Variants in PTPRN2 observed in about 807,000 individuals in gnomAD.
PTPRN2 encodes protein tyrosine phosphatase receptor type N2.
Under a neutral mutation model 118.8 loss-of-function variants are expected in PTPRN2, and 74 were observed. The ratio of observed to expected loss-of-function variants is 0.62; its 90% CI spans 0.52 to 0.76. The LOEUF (loss-of-function observed/expected upper bound fraction) is 0.76, where lower values mean the gene tolerates loss of function less well. Ranked by LOEUF, PTPRN2 falls within the 30% of genes least tolerant of loss-of-function variation. The probability of loss-of-function intolerance (pLI) is 0.00; values close to 1 mark genes in which losing one functional copy is unlikely to be tolerated. For synonymous variants in PTPRN2, 641 were observed against 608.0 expected (o/e 1.05, Z -0.80); for missense variants, 1,481 against 1,394.4 (o/e 1.06, Z -0.99).
At chr7:158,345,451 C>T (rs984268790) in intron 2 of PTPRN2, among the ~76,000 whole-genome samples, 1 of 152,094 alleles carries the variant, frequency 6.6e-6, no homozygotes, top group Non-Finnish European at 1.5e-5. Context: ...TATTTTTGAG[C>T]AGGGTGGAGC....
Position 158,058,504 on chromosome 7 carries a change from A to C in PTPRN2, c.1723+22794T>G, listed in dbSNP as rs71544524. On this transcript the variant is annotated intron_variant, in intron 11 of 22. Coordinates refer to ENST00000389418, the MANE Select transcript of PTPRN2 (RefSeq NM_002847.5). ...ATCACTGCAGCCACACTCCATCTGC[A>C]CACGGTGAGACATCACTGCAGCCAC... 1.4e-3 allele frequency among the ~76,000 whole-genome samples: 65 copies of C among 46,600 alleles called. 5 individuals carry two copies. The highest frequency in any genetic ancestry group is 2.0e-3 in the East Asian group (3 of 1,518). The allele number at this position is 46,600 out of a possible 152,430, so 30.6% of individuals were successfully genotyped here.
At chr7:158,381,548 C>A (rs2151346361) in intron 2 of PTPRN2, among the ~76,000 whole-genome samples, 1 of 152,318 alleles carries the variant, frequency 6.6e-6, no homozygotes, top group African/African-American at 2.4e-5. Context: ...TTCAACAAGC[C>A]TCTAGGAAGT....
chr7:158,151,492 ACACCGCCCG>A (rs1298295603), intron 6 of PTPRN2, among the ~76,000 whole-genome samples: 9 of 145,170 alleles, frequency 6.2e-5, no homozygotes, highest in Admixed American at 2.2e-4. Context: ...CTCCCTGCCC[ACACCGCCCG>A]CCTTTCTGCT....
At chr7:158,109,927 G>A (rs1318309235) in intron 10 of PTPRN2, among the ~76,000 whole-genome samples, 4 of 151,490 alleles carry the variant, frequency 2.6e-5, no homozygotes, top group Non-Finnish European at 5.9e-5. Flanking sequence ...AGTGAATGAC[G>A]TCACTCTGTG....
chr7:158,441,586 G>A (rs1389472912), intron 2 of PTPRN2, among the ~76,000 whole-genome samples: 1 of 147,628 alleles, frequency 6.8e-6, no homozygotes, highest in Non-Finnish European at 1.5e-5. Flanking sequence ...GGCAGTGGTG[G>A]TGGTGGTGAT....
chr7:158,123,293 T>C (rs1817324388), intron 9 of PTPRN2, among the ~76,000 whole-genome samples: 1 of 152,186 alleles, frequency 6.6e-6, no homozygotes, highest in Non-Finnish European at 1.5e-5. Flanking sequence ...GAAGCAACGC[T>C]TCGAGGGTGG....
intron 12 of PTPRN2, among the ~76,000 whole-genome samples, chr7:157,696,244 T>C (rs1797768747): frequency 7.0e-6 from 1 of 142,506 alleles, no homozygotes; most frequent in Non-Finnish European, 1.5e-5. Flanking sequence ...CCATGCATAC[T>C]GGATCTTAGT....
intron 13 of PTPRN2, among the ~76,000 whole-genome samples, chr7:157,665,026 C>T (rs1318655753): frequency 2.0e-5 from 3 of 152,214 alleles, no homozygotes; most frequent in African/African-American, 4.8e-5. Context: ...GGTTAACCGG[C>T]AGTGGTGCCA....
chr7:158,060,391 C>G (rs1405690871), intron 11 of PTPRN2, among the ~76,000 whole-genome samples: 1 of 152,260 alleles, frequency 6.6e-6, no homozygotes, highest in Non-Finnish European at 1.5e-5. Context: ...ACAGGTCTCA[C>G]TGTCTCGCCG....
At chr7:158,422,014 G>A (rs552952551) in intron 2 of PTPRN2, among the ~76,000 whole-genome samples, 1 of 152,192 alleles carries the variant, frequency 6.6e-6, no homozygotes, top group Non-Finnish European at 1.5e-5. Context: ...AGGTAGTTTG[G>A]TTCTTGGCAA....
At chr7:158,103,955 C>A (rs1047344801) in intron 10 of PTPRN2, among the ~76,000 whole-genome samples, 1 of 152,040 alleles carries the variant, frequency 6.6e-6, no homozygotes, top group African/African-American at 2.4e-5. Context: ...AACTGCCTCC[C>A]GGGTTCAAGC....
chr7:158,560,104 C>G (rs533005084), intron 1 of PTPRN2, among the ~76,000 whole-genome samples: 13 of 152,240 alleles, frequency 8.5e-5, no homozygotes, highest in Non-Finnish European at 1.9e-4. Context: ...TTAGGACCGG[C>G]TTCTTTCACT....
At chr7:157,940,945 C>T (rs181337067) in intron 11 of PTPRN2, among the ~76,000 whole-genome samples, 1 of 41,140 alleles carries the variant, frequency 2.4e-5, no homozygotes, top group Non-Finnish European at 3.8e-5. Flanking sequence ...CTCCCCACCA[C>T]GACACTGCAA....
intron 10 of PTPRN2, among the ~76,000 whole-genome samples, chr7:158,086,006 A>G (rs1477602556): frequency 6.6e-6 from 1 of 152,180 alleles, no homozygotes; most frequent in Admixed American, 6.5e-5. Flanking sequence ...CGTCAGGCAC[A>G]TTGTAACCAC....
In PTPRN2 at chr7:157,582,612, A is replaced by G. The variant is rs548310948; in HGVS notation, c.2497-4472T>C. Among the ~76,000 whole-genome samples the G allele has an allele frequency of 2.7e-3, 405 of 151,916 alleles. 4 individuals are homozygous for G. Among genetic ancestry groups the G allele is most frequent in the Non-Finnish European group, 4.5e-3 (307 of 67,744 alleles). ...TATGGAGGGCCAGGCACGGTGGCTC[A>G]CACCTGTAATCCCAGCACTTTGGGA... On this transcript the variant is annotated intron_variant, in intron 17 of 22. Coordinates refer to ENST00000389418, the MANE Select transcript of PTPRN2 (RefSeq NM_002847.5).
intron 2 of PTPRN2, among the ~76,000 whole-genome samples, chr7:158,395,918 G>A (rs1405184206): frequency 6.6e-6 from 1 of 152,028 alleles, no homozygotes; most frequent in Non-Finnish European, 1.5e-5. Flanking sequence ...CCTGCAGCAG[G>A]TGAGGTCGGG....
chr7:158,106,571 T>C (rs1815701255), intron 10 of PTPRN2, among the ~76,000 whole-genome samples: 1 of 152,182 alleles, frequency 6.6e-6, no homozygotes, highest in Non-Finnish European at 1.5e-5. Context: ...TTTGGGAATA[T>C]CCAAAACACT....
In PTPRN2 at chr7:157,560,713, C is replaced by T. The variant is rs1799146074; in HGVS notation, c.2902+8189G>A. On this transcript the variant is annotated intron_variant, in intron 21 of 22. Transcript: ENST00000389418. The surrounding 1 kb of genome is among the most constrained non-coding windows in gnomAD (Gnocchi z 6.7). ...AAAGGTGCAGACAGGCTCCCTCTCC[C>T]CTTCCCTCCTCCCACCTCACCCAAT... 6.6e-6 allele frequency among the ~76,000 whole-genome samples: 1 copy of T among 152,198 alleles called. No individual in the cohort carries two copies. The highest frequency in any genetic ancestry group is 2.4e-5 in the African/African-American group (1 of 41,448).
At chr7:158,017,774 C>T (rs891042117) in intron 11 of PTPRN2, among the ~76,000 whole-genome samples, 37 of 152,122 alleles carry the variant, frequency 2.4e-4, no homozygotes, top group African/African-American at 8.7e-4. Flanking sequence ...GACAGAAGGA[C>T]GCAGGACTCT....
Sources: allele counts gnomAD v4.1 joint callset (sites outside exome capture counted in the v4.1 genomes callset), GRCh38; gene constraint gnomAD v4.1.1; non-coding constraint Gnocchi (gnomAD v3.1); transcripts MANE v1.5; gene names NCBI Gene and HGNC (gene_info 2026-07-23, HGNC 2026-07-21).